Variants in CT45A1 observed in about 807,000 individuals in gnomAD.
The protein encoded by CT45A1 is cancer/testis antigen family 45 member A1, also known as cancer/testis antigen 45-1.
upstream of CT45A1, among the ~76,000 whole-genome samples, chrX:135,709,123 C>T (rs181796401): frequency 5.3e-4 from 60 of 112,194 alleles, no homozygotes; most frequent in Middle Eastern, 4.6e-3. Context: ...CGGTTGCTGA[C>T]GCAACAAAAC....
At chrX:135,709,188 C>T (rs1417900578), upstream of CT45A1, among the ~76,000 whole-genome samples, 1 of 112,377 alleles carries the variant, frequency 8.9e-6, no homozygotes, top group African/African-American at 3.2e-5. Context: ...GTTTATGGTC[C>T]GATCTCGGCT....
At chrX:135,715,349 CTTACATAT>C (rs1435486215) in intron 1 of CT45A1, among the ~76,000 whole-genome samples, 1,114 of 24,570 alleles carry the variant, frequency 0.045, 37 homozygotes, top group Middle Eastern at 0.067. Flanking sequence ...ATATATAATA[CTTACATAT>C]AATACTTATA....
At chrX:135,715,229 A>ATTATAT (rs1178975404) in intron 1 of CT45A1, among the ~76,000 whole-genome samples, 1,301 of 85,991 alleles carry the variant, frequency 0.015, 39 homozygotes, top group Non-Finnish European at 0.024. Context: ...ATATATATAT[A>ATTATAT]ATACTTATAT....
chrX:135,712,974 T>TTTCTTTCTTTC (rs782341458), upstream of CT45A1, among the ~76,000 whole-genome samples: 1 of 48,169 alleles, frequency 2.1e-5, no homozygotes, highest in Non-Finnish European at 3.8e-5. Context: ...TCTTTCTTTC[T>TTTCTTTCTTTC]TTTCTTTCTC....
At chrX:135,711,905 A>G (rs782025676), upstream of CT45A1, among the ~76,000 whole-genome samples, 1 of 110,210 alleles carries the variant, frequency 9.1e-6, no homozygotes, top group African/African-American at 3.3e-5. Context: ...ATGTGGTGAA[A>G]CACTGTCTCT....
intron 2 of CT45A1, among the ~76,000 whole-genome samples, chrX:135,719,480 C>A (rs1261026582): frequency 2.5e-4 from 23 of 91,612 alleles, no homozygotes; most frequent in African/African-American, 8.7e-4. Flanking sequence ...AGCCACCACA[C>A]CCAGCTAATT....
chrX:135,715,247 A>G (rs1230081623), intron 1 of CT45A1, among the ~76,000 whole-genome samples: 8 of 78,716 alleles, frequency 1.0e-4, no homozygotes, highest in African/African-American at 4.4e-4. Flanking sequence ...TATATATAAT[A>G]CTTATATATA....
upstream of CT45A1, among the ~76,000 whole-genome samples, chrX:135,708,908 C>T (rs1258449260): frequency 9.0e-6 from 1 of 110,752 alleles, no homozygotes; most frequent in Non-Finnish European, 1.9e-5. Context: ...AATGGTGTTA[C>T]ATCTGGTTTA....
chrX:135,716,579 A>C (rs1362670946), intron 1 of CT45A1, among the ~76,000 whole-genome samples: 6 of 111,559 alleles, frequency 5.4e-5, no homozygotes, highest in African/African-American at 2.0e-4. Context: ...AACCTATACT[A>C]TATACTACAT....
At chrX:135,715,567 TTA>T (rs1164870843) in intron 1 of CT45A1, among the ~76,000 whole-genome samples, 1 of 88,902 alleles carries the variant, frequency 1.1e-5, no homozygotes, top group South Asian at 5.3e-4. Context: ...TATATAATAC[TTA>T]TATATATAAT....
At chrX:135,716,378 A>G (rs782170907) in intron 1 of CT45A1, among the ~76,000 whole-genome samples, 3 of 111,643 alleles carry the variant, frequency 2.7e-5, no homozygotes, top group Non-Finnish European at 5.6e-5. Context: ...GAGTCCAGAT[A>G]TATTTGATGT....
upstream of CT45A1, among the ~76,000 whole-genome samples, chrX:135,712,965 C>CT (rs782665256): frequency 1.5e-3 from 97 of 65,410 alleles, no homozygotes; most frequent in African/African-American, 3.5e-3. Flanking sequence ...TTCTTTCTTT[C>CT]TTTCTTTCTT....
intron 1 of CT45A1, among the ~76,000 whole-genome samples, chrX:135,716,130 G>C (rs541438667): frequency 3.6e-5 from 4 of 111,201 alleles, no homozygotes; most frequent in African/African-American, 1.3e-4. Context: ...GAATAGTGCC[G>C]TGATAAACAT....
At chrX:135,716,964 G>C (rs373152102) in intron 1 of CT45A1, among the ~76,000 whole-genome samples, 2 of 111,030 alleles carry the variant, frequency 1.8e-5, no homozygotes, top group Non-Finnish European at 3.8e-5. Flanking sequence ...TGGTGTATTT[G>C]CCTGTCATTG....
upstream of CT45A1, chrX:135,710,154 T>A (rs1164140193): frequency 8.8e-6 from 1 of 113,814 alleles, no homozygotes; most frequent in African/African-American, 3.2e-5. Flanking sequence ...ATTCTCCAAC[T>A]GTCCTGGGTG....
At chrX:135,709,370 T>C (rs2087923027), upstream of CT45A1, among the ~76,000 whole-genome samples, 2 of 112,367 alleles carry the variant, frequency 1.8e-5, no homozygotes, top group African/African-American at 6.5e-5. Flanking sequence ...TCGAGTGATC[T>C]GCCCACCTCA....
chrX:135,710,588 G>A (rs1209884987), upstream of CT45A1, among the ~76,000 whole-genome samples: 42 of 112,174 alleles, frequency 3.7e-4, 1 homozygote, highest in African/African-American at 1.3e-3. Flanking sequence ...ACTCAGCAAT[G>A]ACTGTAGCCA....
upstream of CT45A1, among the ~76,000 whole-genome samples, chrX:135,713,075 A>T (rs1603080602): frequency 1.3e-5 from 1 of 75,484 alleles, no homozygotes; most frequent in African/African-American, 5.4e-5. Flanking sequence ...AGTCTCCTCT[A>T]TGGCCAGGCT....
intron 1 of CT45A1, among the ~76,000 whole-genome samples, chrX:135,717,474 A>G (rs1281701785): frequency 1.1e-4 from 12 of 110,671 alleles, no homozygotes; most frequent in Admixed American, 8.7e-4. Flanking sequence ...GCTTGAACTC[A>G]GGAGGTGGAG....
Sources: allele counts gnomAD v4.1 joint callset (sites outside exome capture counted in the v4.1 genomes callset), GRCh38; gene constraint gnomAD v4.1.1; transcripts MANE v1.5; gene names NCBI Gene and HGNC (gene_info 2026-07-23, HGNC 2026-07-21).